Variants in MYH9 observed in about 807,000 individuals in gnomAD.
MYH9 encodes myosin-9.
A neutral mutation model predicts 241.9 loss-of-function variants in MYH9; 29 were observed. That is an observed-to-expected ratio of 0.12 (90% CI 0.09 to 0.16). MYH9 has a LOEUF of 0.16. Among genes scored for constraint, MYH9 ranks in the 10% least tolerant of loss-of-function variants. The pLI, the probability that MYH9 is intolerant of heterozygous loss-of-function variation, is 1.00. For missense variants in MYH9, 1,803 were observed against 2,595.5 expected (o/e 0.69, Z 6.63); for synonymous variants, 1,047 against 1,062.6 (o/e 0.99, Z 0.29).
chr22:36,308,775 C>T, intron 15 of MYH9: 1 of 974,624 alleles, frequency 1.0e-6, no homozygotes. Context: ...ACGCACCACA[C>T]ACACAAGAGA....
rs1356899956 is a variant in MYH9, at chr22:36,305,771, G to A, written c.2159+159C>T. ...CTCCTTTCCTGCAAAGGGTGGAAAA[G>A]AGAAGGAGGTGGGGAAGAGCTGGCC... On this transcript the variant is annotated intron_variant, in intron 17 of 40. Transcript: ENST00000216181. This position sits in a 1 kb window ranked among gnomAD's most constrained non-coding sequence, Gnocchi z 4.7. Among the ~76,000 whole-genome samples the A allele has an allele frequency of 2.0e-5, 3 of 152,244 alleles. No homozygotes were observed. Among genetic ancestry groups the A allele is most frequent in the Non-Finnish European group, 4.4e-5 (3 of 68,038 alleles).
chr22:36,305,976 G>A lies in MYH9; in HGVS notation c.2113C>T (p.Arg705Cys), dbSNP rs2016962766. The A allele has an allele frequency of 1.9e-6, 3 of 1,613,426 alleles. No homozygotes were observed. The highest frequency in any genetic ancestry group is 1.3e-5 in the African/African-American group (1 of 74,940). Residue 705 changes from arginine (R) to cysteine (C), a missense_variant, in exon 17 of 41, where the codon CGC becomes TGC. Coordinates refer to ENST00000216181, the MANE Select transcript of MYH9 (RefSeq NM_002473.6). The surrounding 1 kb of genome is among the most constrained non-coding windows in gnomAD (Gnocchi z 4.7). ...NGVLEGIRIC[R>C]QGFPNRVVFQ... is the part of the protein sequence containing the mutation. The stretch of plus-strand genomic sequence containing the variant: ...ACCACCCTGTTGGGGAAGCCCTGGC[G>A]GCAGATACGGATGCCCTCGAGAACA...
At chr22:36,331,793 GA>G (rs1302612294) in intron 3 of MYH9, among the ~76,000 whole-genome samples, 1 of 152,220 alleles carries the variant, frequency 6.6e-6, no homozygotes, top group African/African-American at 2.4e-5. Flanking sequence ...GTCCCTGCAG[GA>G]CCCCATCTTC....
At chr22:36,360,998 A>C (rs2017928034) in intron 1 of MYH9, among the ~76,000 whole-genome samples, 1 of 152,196 alleles carries the variant, frequency 6.6e-6, no homozygotes, top group Non-Finnish European at 1.5e-5. Context: ...GGGCTGTCAG[A>C]GCAGTTATCT....
chr22:36,379,134 CTTCT>C (rs2018216396), intron 1 of MYH9, among the ~76,000 whole-genome samples: 2 of 152,166 alleles, frequency 1.3e-5, no homozygotes, highest in Admixed American at 1.3e-4. Flanking sequence ...AAGAAAGGCT[CTTCT>C]TTCTAAGGCC....
At chr22:36,325,671 G>C (rs1286541918) in intron 5 of MYH9, among the ~76,000 whole-genome samples, 5 of 152,258 alleles carry the variant, frequency 3.3e-5, no homozygotes, top group Non-Finnish European at 7.3e-5. Flanking sequence ...GGCTCCGTGA[G>C]AGCGGAGTCC....
Position 36,320,989 on chromosome 22 carries a change from G to A in MYH9, c.770-93C>T. The A allele has an allele frequency of 9.7e-7, 1 of 1,036,064 alleles. No individual in the cohort carries two copies. Among genetic ancestry groups the A allele is most frequent in the Non-Finnish European group, 1.4e-6 (1 of 694,838 alleles). 64.2% of individuals were successfully genotyped at this position (1,036,064 alleles called of 1,614,324 possible). ...TTTTTTGGAGACAGAGTCTCGCTCTGTCACCCAGGTTGGAGTGCAGTGGCA... is the reference window on the plus strand; with the variant it reads ...TTTTTTGGAGACAGAGTCTCGCTCTATCACCCAGGTTGGAGTGCAGTGGCA... On this transcript the variant is annotated intron_variant, in intron 7 of 40. Transcript: ENST00000216181. The surrounding 1 kb of genome is among the most constrained non-coding windows in gnomAD (Gnocchi z 4.8).
At chr22:36,358,211 CACA>C in intron 1 of MYH9, among the ~76,000 whole-genome samples, 1 of 152,142 alleles carries the variant, frequency 6.6e-6, no homozygotes, top group East Asian at 1.9e-4. Flanking sequence ...ACTACAGGTG[CACA>C]CCGCCACACC....
intron 34 of MYH9, among the ~76,000 whole-genome samples, chr22:36,287,728 C>T (rs868681111): frequency 1.1e-4 from 17 of 152,186 alleles, no homozygotes; most frequent in Non-Finnish European, 2.1e-4. Flanking sequence ...AGCGACAGAG[C>T]GAGACTCCGT....
At chr22:36,311,740 C>T (rs989643068) in intron 14 of MYH9, among the ~76,000 whole-genome samples, 2 of 152,184 alleles carry the variant, frequency 1.3e-5, no homozygotes, top group African/African-American at 4.8e-5. Context: ...AAACTCTGAG[C>T]ACATGCCTTT....
intron 1 of MYH9, among the ~76,000 whole-genome samples, chr22:36,382,122 C>T (rs1343897743): frequency 6.6e-6 from 1 of 152,040 alleles, no homozygotes; most frequent in Non-Finnish European, 1.5e-5. Flanking sequence ...GCCACCATGC[C>T]CAGCCCCAAA....
Position 36,320,154 on chromosome 22 carries a change from C to CA in MYH9, c.1012+65_1012+66insT. 6.4e-7 allele frequency: 1 copy of CA among 1,553,316 alleles called. No individual in the cohort carries two copies. Among genetic ancestry groups the CA allele is most frequent in the South Asian group, 1.1e-5 (1 of 89,910 alleles). On this transcript the variant is annotated intron_variant, in intron 9 of 40. Transcript: ENST00000216181. This position sits in a 1 kb window ranked among gnomAD's most constrained non-coding sequence, Gnocchi z 4.8. ...CCCAGGCCCATCGGCTACCCTGATG[C>CA]CCCGAGGCCGTGGGTACCAGCCTTC...
At chr22:36,291,464 C>T (rs1435344187) in intron 31 of MYH9, among the ~76,000 whole-genome samples, 6 of 151,614 alleles carry the variant, frequency 4.0e-5, no homozygotes, top group Non-Finnish European at 7.4e-5. Context: ...CTTTGTTAAA[C>T]AGATGCTTGA....
At chr22:36,304,518 A>G (rs1415517740) in intron 18 of MYH9, among the ~76,000 whole-genome samples, 19 of 152,244 alleles carry the variant, frequency 1.2e-4, no homozygotes, top group Non-Finnish European at 2.1e-4. Context: ...AGGGGAAAAA[A>G]GGAGCAGGGT....
chr22:36,314,506 C>A (rs1167916889), intron 12 of MYH9, among the ~76,000 whole-genome samples, 188 bp from the exon 13 acceptor site: 1 of 152,186 alleles, frequency 6.6e-6, no homozygotes, highest in Non-Finnish European at 1.5e-5. Flanking sequence ...AACATTTACT[C>A]TTTGGAGCCA....
intron 1 of MYH9, among the ~76,000 whole-genome samples, chr22:36,356,437 C>G (rs1454140655): frequency 6.6e-6 from 1 of 151,806 alleles, no homozygotes; most frequent in Non-Finnish European, 1.5e-5. Flanking sequence ...AAAACTTAGC[C>G]AGGCGTGGTG....
chr22:36,336,881 C>T (rs2017508890), intron 3 of MYH9, among the ~76,000 whole-genome samples: 1 of 152,226 alleles, frequency 6.6e-6, no homozygotes, highest in East Asian at 1.9e-4. Context: ...ACCTGGACCG[C>T]CAGGGCATCC....
intron 12 of MYH9, among the ~76,000 whole-genome samples, chr22:36,315,959 G>A (rs1223043949): frequency 1.3e-5 from 2 of 151,422 alleles, no homozygotes; most frequent in African/African-American, 4.9e-5. Context: ...GATCAGTTAA[G>A]CCCAGGAGGC....
intron 19 of MYH9, 137 bp downstream of exon 19, chr22:36,303,858 G>A: frequency 2.4e-6 from 2 of 837,040 alleles, no homozygotes; most frequent in Non-Finnish European, 3.8e-6. Context: ...TCCAGGAACA[G>A]GGGTAGGAAG....
Sources: gnomAD v4.1 joint callset for allele counts (sites outside exome capture counted in the v4.1 genomes callset) on GRCh38, gnomAD v4.1.1 for gene constraint, Gnocchi (gnomAD v3.1) non-coding constraint, MANE v1.5 for transcripts, NCBI Gene and HGNC (gene_info 2026-07-23, HGNC 2026-07-21) for gene names.